The following MYO7B variants were observed in gnomAD, a reference collection of about 807,000 sequenced individuals.
MYO7B encodes the protein myosin VIIB.
MYO7B carries 212 observed loss-of-function variants against 259.7 expected under a neutral mutation model. That is an observed-to-expected ratio of 0.82 (90% CI 0.73 to 0.91). MYO7B has a LOEUF of 0.91. Ranked by LOEUF, MYO7B falls within the 40% of genes least tolerant of loss-of-function variation. The pLI is 0.00. For synonymous variants in MYO7B, 1,197 were observed against 1,166.4 expected (o/e 1.03, Z -0.54); for missense variants, 2,732 against 2,813.5 (o/e 0.97, Z 0.66).
intron 1 of MYO7B, among the ~76,000 whole-genome samples, chr2:127,549,530 G>T (rs1693368870): frequency 6.6e-6 from 1 of 152,144 alleles, no homozygotes; most frequent in Non-Finnish European, 1.5e-5. Flanking sequence ...AGGTCCTAGG[G>T]ATCATTTGGC....
chr2:127,609,516 C>T lies in MYO7B; in HGVS notation c.2825C>T (p.Ser942Leu), dbSNP rs762623783. Residue 942 changes from serine to leucine, a missense_variant, in exon 23 of 48, where the codon TCG (serine) becomes TTG (leucine). Coordinates refer to ENST00000409816, the MANE Select transcript of MYO7B (RefSeq NM_001393586.1). The surrounding 1 kb of genome is among the most constrained non-coding windows in gnomAD (Gnocchi z 6.9). ...QASPHFEDLE[S>L]KTQKLLEVDL... is the part of the protein sequence containing the mutation. ...CCTCAATGGCCGTAGGATCTGGAAT[C>T]GAAGACCCAGAAGCTGCTTGAGGTT... 17 of 1,612,032 alleles carry T rather than the reference C, an allele frequency of 1.1e-5. No individual in the cohort carries two copies. The highest frequency in any genetic ancestry group is 1.4e-5 in the Non-Finnish European group (16 of 1,178,992).
chr2:127,607,413 A>G lies in MYO7B; in HGVS notation c.2632A>G (p.Arg878Gly). The G allele has an allele frequency of 6.4e-7, 1 of 1,551,006 alleles. No individual in the cohort carries two copies. The highest frequency in any genetic ancestry group is 8.7e-7 in the Non-Finnish European group (1 of 1,146,814). Residue 878 changes from arginine (R) to glycine (G), a missense_variant, in exon 21 of 48, where the codon AGG becomes GGG. Transcript: ENST00000409816. The surrounding 1 kb of genome is among the most constrained non-coding windows in gnomAD (Gnocchi z 4.4). Reference protein sequence around the residue: ...GMAARRNFQQRKANAPLVIPA... With the variant: ...GMAARRNFQQGKANAPLVIPA... Reference sequence around the variant, plus strand: ...GGCTGCCCGGCGCAACTTCCAGCAAAGGAAGGCCAATGTAGGTGGTCACCT... The same window carrying G: ...GGCTGCCCGGCGCAACTTCCAGCAAGGGAAGGCCAATGTAGGTGGTCACCT...
Position 127,565,266 on chromosome 2 carries a change from C to T in MYO7B, c.166C>T (p.Leu56Phe), listed in dbSNP as rs1390126821. ...HWIRAEDFGV[L>F]SPMHPNSVQG... Reference sequence around the variant, plus strand: ...GATCCGAGCAGAGGACTTTGGTGTCCTCAGTCCCATGCACCCCAACTCAGT... The same window carrying T: ...GATCCGAGCAGAGGACTTTGGTGTCTTCAGTCCCATGCACCCCAACTCAGT... Residue 56 changes from leucine to phenylalanine, a missense_variant, in exon 4 of 48, where the codon CTC becomes TTC. By Grantham distance (22) the Leu-to-Phe change is conservative. This residue lies in a region of MYO7B where 1,906 missense variants were observed against 2,026.4 expected (regional missense o/e 0.94). Transcript: ENST00000409816. 6.8e-6 allele frequency: 11 copies of T among 1,613,832 alleles called. No individual in the cohort carries two copies. In the Admixed American group the frequency reaches 1.5e-4, roughly 22 times the overall value.
chr2:127,569,953 T>G (rs1678523693), intron 6 of MYO7B, 43 bp downstream of exon 6: 3 of 1,583,548 alleles, frequency 1.9e-6, no homozygotes, highest in Non-Finnish European at 2.6e-6. Flanking sequence ...CCAGCCCCCC[T>G]GGAGCCTTCC....
intron 1 of MYO7B, among the ~76,000 whole-genome samples, chr2:127,554,485 G>T (rs1693565570): frequency 6.6e-6 from 1 of 152,178 alleles, no homozygotes; most frequent in African/African-American, 2.4e-5. Flanking sequence ...CAGTTAGCTA[G>T]TATTTTGTTA....
At chr2:127,594,940 T>C (rs758118903) in intron 18 of MYO7B, among the ~76,000 whole-genome samples, 3 of 152,232 alleles carry the variant, frequency 2.0e-5, no homozygotes, top group Non-Finnish European at 4.4e-5. Flanking sequence ...TTTTCTTCTT[T>C]TGTTGTATCT....
Position 127,577,833 on chromosome 2 carries a change from C to G in MYO7B, c.850-300C>G, listed in dbSNP as rs1678935874. Among the ~76,000 whole-genome samples, 1 of 152,184 alleles carries G rather than the reference C, an allele frequency of 6.6e-6. No homozygotes were observed. The highest frequency in any genetic ancestry group is 2.4e-5 in the African/African-American group (1 of 41,450). ...GAAAGTGTTTCTTAAAGGAACAAAC[C>G]CACAGTGTCCCCCAGAGAGACAAGG... On this transcript the variant is annotated intron_variant, in intron 8 of 47. Transcript: ENST00000409816. The surrounding 1 kb of genome is among the most constrained non-coding windows in gnomAD (Gnocchi z 5.2).
Position 127,593,663 on chromosome 2 carries a change from AGCCAGCTGTCG to A in MYO7B, c.2244+23_2244+33del. ...CCTGAGGGTGAGACCCCGAGGAACC[AGCCAGCTGTCG>A]GCCTCCTGCAGCATGTGGGCTTGTC... On this transcript the variant is annotated intron_variant, in intron 18 of 47. Transcript: ENST00000409816. 1 of 1,610,792 alleles carries A rather than the reference AGCCAGCTGTCG, an allele frequency of 6.2e-7. No homozygotes were observed. Among genetic ancestry groups the A allele is most frequent in the South Asian group, 1.1e-5 (1 of 90,934 alleles).
intron 6 of MYO7B, among the ~76,000 whole-genome samples, chr2:127,572,400 CAG>C (rs1359778634): frequency 2.2e-5 from 3 of 137,302 alleles, no homozygotes. Flanking sequence ...ACCTGGGCGA[CAG>C]AGTGAGACTG....
Position 127,585,183 on chromosome 2 carries a change from A to T in MYO7B, c.1690+270A>T, listed in dbSNP as rs1353473080. 2.0e-5 allele frequency among the ~76,000 whole-genome samples: 3 copies of T among 152,228 alleles called. No individual in the cohort carries two copies. Among genetic ancestry groups the T allele is most frequent in the African/African-American group, 7.2e-5 (3 of 41,456 alleles). On this transcript the variant is annotated intron_variant, in intron 14 of 47. Coordinates refer to ENST00000409816, the MANE Select transcript of MYO7B (RefSeq NM_001393586.1). The surrounding 1 kb of genome is among the most constrained non-coding windows in gnomAD (Gnocchi z 4.3). ...CTTGACTGTAATATATTCAGAGTAT[A>T]TTAATGATTGCCACAATTTTAGAAC...
In MYO7B at chr2:127,625,601, GTA is replaced by G. The variant is rs372401516; in HGVS notation, c.4215+69_4215+70del. 5.6e-6 allele frequency: 8 copies of G among 1,430,352 alleles called. No individual in the cohort carries two copies. In the African/African-American group the frequency reaches 7.2e-5, roughly 13 times the overall value. The allele number at this position is 1,430,352 out of a possible 1,614,324, so 88.6% of individuals were successfully genotyped here. On this transcript the variant is annotated intron_variant, in intron 31 of 47. Transcript: ENST00000409816. ...CCTTTGGGAGGTGGGGGGGCTCATG[GTA>G]TACAGAGGAGATGGATTCCCTCCCC...
Position 127,636,324 on chromosome 2 carries a change from G to A in MYO7B, c.6123G>A (p.Lys2041=), listed in dbSNP as rs1331336190. Residue 2041 remains lysine (K), a splice_region_variant and synonymous_variant, in exon 45 of 48, where the codon AAG becomes AAA. Transcript: ENST00000409816. The surrounding 1 kb of genome is among the most constrained non-coding windows in gnomAD (Gnocchi z 4.5). ...TCGGATCCGCCTTCTTCGAGGTGAAGGTAAACCTTGCCCCACGCCAGGGCC... is the reference window on the plus strand; with the variant it reads ...TCGGATCCGCCTTCTTCGAGGTGAAAGTAAACCTTGCCCCACGCCAGGGCC... ...PTFGSAFFEV[K]QTSEPSYPDV... 1.4e-5 allele frequency: 23 copies of A among 1,612,576 alleles called. No homozygotes were observed. The highest frequency in any genetic ancestry group is 2.0e-5 in the Non-Finnish European group (23 of 1,179,296).
At chr2:127,565,810 C>T (rs1300679107) in intron 4 of MYO7B, among the ~76,000 whole-genome samples, 1 of 152,220 alleles carries the variant, frequency 6.6e-6, no homozygotes, top group East Asian at 1.9e-4. Flanking sequence ...GGATGTGGGC[C>T]CTCCGTGCAA....
rs1462593630 is a variant in MYO7B at position 127,562,486 on chromosome 2, T to G, written c.19-1667T>G. Among the ~76,000 whole-genome samples, 67 of 136,696 alleles carry G rather than the reference T, an allele frequency of 4.9e-4. 1 individual carries two copies. The highest frequency in any genetic ancestry group is 1.7e-3 in the African/African-American group (63 of 36,876). 89.7% of individuals were successfully genotyped at this position (136,696 alleles called of 152,430 possible). On this transcript the variant is annotated intron_variant, in intron 2 of 47. Transcript: ENST00000409816. ...TAATTTTTGTGGGGTTTTATTGTTT[T>G]TTTTTTTTTTTTTTTTTTTTGAGAC...
chr2:127,574,120 G>A, intron 7 of MYO7B, 58 bp downstream of exon 7: 39 of 1,602,720 alleles, frequency 2.4e-5, no homozygotes, highest in Non-Finnish European at 3.2e-5. Flanking sequence ...TTTCCAAGAG[G>A]GGCCCCTTTC....
At chr2:127,578,591 C>T (rs560165094) in intron 9 of MYO7B, among the ~76,000 whole-genome samples, 3 of 152,176 alleles carry the variant, frequency 2.0e-5, no homozygotes, top group Non-Finnish European at 2.9e-5. Flanking sequence ...TGTGAACTTG[C>T]AAACCAGGTT....
chr2:127,583,607 G>A (rs1256738865), intron 12 of MYO7B, among the ~76,000 whole-genome samples: 1 of 152,232 alleles, frequency 6.6e-6, no homozygotes, highest in Non-Finnish European at 1.5e-5. Flanking sequence ...GGGGTGGTAG[G>A]TGGAGGGGCC....
At chr2:127,578,777 G>A (rs1312880502) in intron 9 of MYO7B, among the ~76,000 whole-genome samples, 1 of 152,080 alleles carries the variant, frequency 6.6e-6, no homozygotes, top group Non-Finnish European at 1.5e-5. Context: ...GAAGAAATAG[G>A]AACAAGGAAA....
At position 127,564,224 on chromosome 2, in the gene MYO7B, G is replaced by T; in HGVS notation, c.90G>T (p.Glu30Asp). The T allele has an allele frequency of 6.3e-7, 1 of 1,579,824 alleles. No homozygotes were observed. Residue 30 changes from glutamate (E) to aspartate (D), a missense_variant, in exon 3 of 48, where the codon GAG (glutamate) becomes GAT (aspartate). Glu to Asp is a conservative substitution (Grantham distance 45, BLOSUM62 2). This residue lies in a region of MYO7B where 1,906 missense variants were observed against 2,026.4 expected (regional missense o/e 0.94). Transcript: ENST00000409816. Reference protein sequence around the residue: ...TGVAIGGIIKEAKPGKVLVED... With the variant: ...TGVAIGGIIKDAKPGKVLVED... Reference sequence around the variant, plus strand: ...TGGCCATCGGGGGCATCATCAAAGAGGCAAAGCCAGGCAAAGTCTTGGTTG... The same window carrying T: ...TGGCCATCGGGGGCATCATCAAAGATGCAAAGCCAGGCAAAGTCTTGGTTG...
Sources: allele counts gnomAD v4.1 joint callset (sites outside exome capture counted in the v4.1 genomes callset), GRCh38; gene constraint gnomAD v4.1.1; regional missense constraint gnomAD v4.1.1; non-coding constraint Gnocchi (gnomAD v3.1); transcripts MANE v1.5; gene names NCBI Gene and HGNC (gene_info 2026-07-23, HGNC 2026-07-21).